PIK3R5: variants seen among roughly 807,000 people sequenced by gnomAD.
PIK3R5 encodes phosphoinositide 3-kinase regulatory subunit 5.
Under a neutral mutation model 94.9 loss-of-function variants are expected in PIK3R5, and 32 were observed. That is an observed-to-expected ratio of 0.34 (90% CI 0.25 to 0.45). PIK3R5 has a LOEUF of 0.45. Among genes scored for constraint, PIK3R5 ranks in the 20% least tolerant of loss-of-function variants. The pLI, the probability that PIK3R5 is intolerant of heterozygous loss-of-function variation, is 1.00. For missense variants in PIK3R5, 853 were observed against 1,144.6 expected, an observed-to-expected ratio of 0.75 and a Z score of 3.68; for synonymous variants, 443 against 479.4, an observed-to-expected ratio of 0.92 and a Z score of 0.99.
At chr17:8,957,893 A>G (rs1388393158) in intron 1 of PIK3R5, among the ~76,000 whole-genome samples, 1 of 152,200 alleles carries the variant, frequency 6.6e-6, no homozygotes, top group African/African-American at 2.4e-5. Context: ...CCCGCTCTAT[A>G]AGCTGTCACA....
At position 8,887,599 on chromosome 17, in the gene PIK3R5, G is replaced by T; in HGVS notation, c.1701C>A (p.Thr567=). Residue 567 remains threonine (T), a synonymous_variant, in exon 11 of 19, where the codon ACC becomes ACA. Transcript: ENST00000447110. ...FYVPVKRSHG[T]SPGACPPPRS... is the part of the protein sequence containing the mutation. ...GAGGGGGTGGACAGGCACCAGGGCT[G>T]GTCCCATGACTTCGCTTCACAGGCA... The T allele has an allele frequency of 6.2e-7, 1 of 1,610,126 alleles. No homozygotes were observed. Among genetic ancestry groups the T allele is most frequent in the Non-Finnish European group, 8.5e-7 (1 of 1,178,300 alleles).
intron 1 of PIK3R5, among the ~76,000 whole-genome samples, chr17:8,926,241 A>G (rs1371134958): frequency 6.6e-6 from 1 of 152,166 alleles, no homozygotes; most frequent in East Asian, 1.9e-4. Flanking sequence ...CAAGTGCAGG[A>G]AGAAAAGACC....
At chr17:8,941,557 AC>A (rs2091179896) in intron 1 of PIK3R5, among the ~76,000 whole-genome samples, 1 of 152,330 alleles carries the variant, frequency 6.6e-6, no homozygotes, top group South Asian at 2.1e-4. Flanking sequence ...CTAACAAATC[AC>A]CAATGATTTC....
In PIK3R5 at chr17:8,943,641, C is replaced by T. The variant is rs189753768; in HGVS notation, c.-14+21955G>A. Among the ~76,000 whole-genome samples, 57 of 152,196 alleles carry T rather than the reference C, an allele frequency of 3.7e-4. No homozygotes were observed. The South Asian group carries it at 6.6e-3, about 18-fold the overall frequency. The stretch of plus-strand genomic sequence containing the variant: ...TACAAAAATTAGCTGGGTGTGGTGG[C>T]GCGCACCTGCAGTCCCAGCTGTTCA... On this transcript the variant is annotated intron_variant, in intron 1 of 18. Coordinates refer to ENST00000447110, the MANE Select transcript of PIK3R5 (RefSeq NM_001142633.3).
Position 8,911,278 on chromosome 17 carries a change from C to G in PIK3R5, c.103+114G>C. The G allele has an allele frequency of 1.3e-6, 1 of 792,334 alleles. No homozygotes were observed. Among genetic ancestry groups the G allele is most frequent in the Non-Finnish European group, 2.1e-6 (1 of 478,108 alleles). 49.1% of individuals were successfully genotyped at this position (792,334 alleles called of 1,614,324 possible). Reference sequence around the variant, plus strand: ...AGAAGGCTGAGGCTTGCCCAAGTCACACAGACAGGGTTTCACCTAGAATTT... The same window carrying G: ...AGAAGGCTGAGGCTTGCCCAAGTCAGACAGACAGGGTTTCACCTAGAATTT... On this transcript the variant is annotated intron_variant, in intron 2 of 18. Transcript: ENST00000447110. This position sits in a 1 kb window ranked among gnomAD's most constrained non-coding sequence, Gnocchi z 5.3.
At position 8,890,922 on chromosome 17, in the gene PIK3R5, C is replaced by T. The variant is rs1030546549; in HGVS notation, c.483-10G>A. ...CAGCAGCAGCACGGTGCTGGGGACA[C>T]AGGGGACCGGCTATGGCACCCAGGG... On this transcript the variant is annotated splice_polypyrimidine_tract_variant and intron_variant, in intron 6 of 18. Transcript: ENST00000447110. The surrounding 1 kb of genome is among the most constrained non-coding windows in gnomAD (Gnocchi z 6.1). 3.7e-6 allele frequency: 6 copies of T among 1,612,352 alleles called. No individual in the cohort carries two copies. Among genetic ancestry groups the T allele is most frequent in the African/African-American group, 1.3e-5 (1 of 74,932 alleles).
intron 14 of PIK3R5, 47 bp downstream of exon 14, chr17:8,886,182 G>A (rs764395311): frequency 2.8e-6 from 4 of 1,452,168 alleles, no homozygotes; most frequent in Admixed American, 1.7e-5. Context: ...CACGTTTCGC[G>A]TCCCAGGCCC....
At chr17:8,883,951 G>A (rs1000649917) in intron 15 of PIK3R5, among the ~76,000 whole-genome samples, 2 of 152,060 alleles carry the variant, frequency 1.3e-5, no homozygotes, top group Non-Finnish European at 2.9e-5. Context: ...ACTGCCAAAC[G>A]CACTGCAGCC....
chr17:8,912,852 C>T (rs886402116), intron 1 of PIK3R5, among the ~76,000 whole-genome samples: 1 of 152,242 alleles, frequency 6.6e-6, no homozygotes, highest in African/African-American at 2.4e-5. Flanking sequence ...AAAACTAAGC[C>T]CTTTGTGAGC....
chr17:8,892,203 G>A lies in PIK3R5; in HGVS notation c.483-1291C>T, dbSNP rs897933611. On this transcript the variant is annotated intron_variant, in intron 6 of 18. Transcript: ENST00000447110. The surrounding 1 kb of genome is among the most constrained non-coding windows in gnomAD (Gnocchi z 4.3). Reference sequence around the variant, plus strand: ...CCACACTCTGGGGACGTCGGTGCCCGGGGACAGGGCAGAGACAGGACTAGT... The same window carrying A: ...CCACACTCTGGGGACGTCGGTGCCCAGGGACAGGGCAGAGACAGGACTAGT... 3.3e-5 allele frequency among the ~76,000 whole-genome samples: 5 copies of A among 152,138 alleles called. No individual in the cohort carries two copies. Among genetic ancestry groups the A allele is most frequent in the African/African-American group, 4.8e-5 (2 of 41,414 alleles).
intron 1 of PIK3R5, among the ~76,000 whole-genome samples, chr17:8,946,652 A>G (rs1013648016): frequency 5.3e-5 from 8 of 152,076 alleles, no homozygotes; most frequent in Admixed American, 5.2e-4. Flanking sequence ...ACTGCACTTC[A>G]TTTCAAATGC....
At chr17:8,894,077 G>A in intron 5 of PIK3R5, among the ~76,000 whole-genome samples, 1 of 152,154 alleles carries the variant, frequency 6.6e-6, no homozygotes, top group East Asian at 1.9e-4. Flanking sequence ...TCTTCTGCGT[G>A]GCCTTGGCCA....
chr17:8,947,161 A>C (rs2151466093), intron 1 of PIK3R5, among the ~76,000 whole-genome samples: 1 of 148,416 alleles, frequency 6.7e-6, no homozygotes, highest in East Asian at 1.9e-4. Context: ...CAAAAAATGA[A>C]CCTAGAGCCA....
At position 8,888,447 on chromosome 17, in the gene PIK3R5, G is replaced by A. The variant is rs768924717; in HGVS notation, c.1340C>T (p.Ser447Leu). The change falls in exon 10 of 19, where the codon TCG becomes TTG. Residue 447 changes from serine (S) to leucine (L), a missense_variant. This residue lies in a region of PIK3R5 where 319 missense variants were observed against 339.8 expected (regional missense o/e 0.94). Coordinates refer to ENST00000447110, the MANE Select transcript of PIK3R5 (RefSeq NM_001142633.3). This position sits in a 1 kb window ranked among gnomAD's most constrained non-coding sequence, Gnocchi z 7.8. ...RRDSRSLEGS[S>L]DTALPLRRAG... ...CCGCCTCAGGGGCAGGGCCGTGTCC[G>A]AGCTGCCCTCCAGGCTCCGAGAGTC... 2.7e-5 allele frequency: 43 copies of A among 1,599,026 alleles called. No homozygotes were observed. The highest frequency in any genetic ancestry group is 1.7e-4 in the Middle Eastern group (1 of 5,982).
At chr17:8,964,642 C>T (rs1309017136) in intron 1 of PIK3R5, among the ~76,000 whole-genome samples, 6 of 152,138 alleles carry the variant, frequency 3.9e-5, no homozygotes, top group African/African-American at 1.4e-4. Context: ...TGGAAAGCCA[C>T]GTTGTAGGGT....
chr17:8,928,359 A>C (rs2090928246), intron 1 of PIK3R5, among the ~76,000 whole-genome samples: 1 of 152,180 alleles, frequency 6.6e-6, no homozygotes, highest in Non-Finnish European at 1.5e-5. Context: ...ATCACATAAA[A>C]CTTGTCAAAT....
chr17:8,917,000 A>G (rs2151423589), intron 1 of PIK3R5, among the ~76,000 whole-genome samples: 1 of 152,284 alleles, frequency 6.6e-6, no homozygotes, highest in Middle Eastern at 3.4e-3. Flanking sequence ...TCCGTCCTGG[A>G]TGACTCCTCC....
At chr17:8,936,759 AT>A (rs1224059458) in intron 1 of PIK3R5, among the ~76,000 whole-genome samples, 1 of 152,146 alleles carries the variant, frequency 6.6e-6, no homozygotes, top group Non-Finnish European at 1.5e-5. Context: ...TTCTTTTCAT[AT>A]AAGTGTTAGA....
chr17:8,884,880 C>T lies in PIK3R5; in HGVS notation c.2129-97G>A. 3.2e-6 allele frequency: 3 copies of T among 951,686 alleles called. No homozygotes were observed. Among genetic ancestry groups the T allele is most frequent in the Non-Finnish European group, 3.4e-6 (2 of 595,892 alleles). The allele number at this position is 951,686 out of a possible 1,614,324, so 59.0% of individuals were successfully genotyped here. ...CTCCCTGGGCCTTACCTCCCCATCC[C>T]CTACCACATGGACCGTGACTCCCTA... On this transcript the variant is annotated intron_variant, in intron 14 of 18. Coordinates refer to ENST00000447110, the MANE Select transcript of PIK3R5 (RefSeq NM_001142633.3). The surrounding 1 kb of genome is among the most constrained non-coding windows in gnomAD (Gnocchi z 5.8).
Sources: allele counts gnomAD v4.1 joint callset (sites outside exome capture counted in the v4.1 genomes callset), GRCh38; gene constraint gnomAD v4.1.1; regional missense constraint gnomAD v4.1.1; non-coding constraint Gnocchi (gnomAD v3.1); transcripts MANE v1.5; gene names NCBI Gene and HGNC (gene_info 2026-07-23, HGNC 2026-07-21).